Variants in ATP8A2 observed in about 807,000 individuals in gnomAD.
The protein encoded by ATP8A2 is phospholipid-transporting ATPase IB.
Under a neutral mutation model 165.6 loss-of-function variants are expected in ATP8A2, and 100 were observed. That is an observed-to-expected ratio of 0.60 (90% CI 0.51 to 0.71). The LOEUF (loss-of-function observed/expected upper bound fraction) is 0.71, where lower values mean the gene tolerates loss of function less well. ATP8A2 is among the 30% of genes least tolerant of loss of function. The pLI, the probability that ATP8A2 is intolerant of heterozygous loss-of-function variation, is 0.00. For missense variants in ATP8A2, 1,227 were observed against 1,479.5 expected (o/e 0.83, Z 2.80); for synonymous variants, 543 against 548.8 (o/e 0.99, Z 0.15).
intron 23 of ATP8A2, among the ~76,000 whole-genome samples, chr13:25,585,078 T>A (rs2039883710): frequency 6.6e-6 from 1 of 152,248 alleles, no homozygotes; most frequent in South Asian, 2.1e-4. Flanking sequence ...CAAATCAAGT[T>A]CCAAGACATG....
At chr13:25,809,004 T>C (rs558948071) in intron 27 of ATP8A2, among the ~76,000 whole-genome samples, 1 of 152,338 alleles carries the variant, frequency 6.6e-6, no homozygotes, top group Admixed American at 6.5e-5. Context: ...GAAGGACACA[T>C]GCACTTTTTG....
chr13:25,383,155 C>T (rs565891898), intron 1 of ATP8A2, among the ~76,000 whole-genome samples: 6 of 152,172 alleles, frequency 3.9e-5, no homozygotes, highest in South Asian at 4.1e-4. Flanking sequence ...AAGAGATTCT[C>T]CTGCCTCAGC....
intron 27 of ATP8A2, among the ~76,000 whole-genome samples, chr13:25,797,346 G>A (rs1295690216): frequency 6.6e-6 from 1 of 151,958 alleles, no homozygotes; most frequent in Non-Finnish European, 1.5e-5. Flanking sequence ...TGAGGTGATG[G>A]ATACGCTATT....
chr13:25,976,825 A>G (rs923733167), intron 35 of ATP8A2, among the ~76,000 whole-genome samples: 3 of 152,026 alleles, frequency 2.0e-5, no homozygotes, highest in East Asian at 1.9e-4. Flanking sequence ...ATCTTGCTCT[A>G]TCGCCCAGGC....
intron 25 of ATP8A2, among the ~76,000 whole-genome samples, chr13:25,713,688 A>T (rs1475183): frequency 2.0e-5 from 3 of 152,068 alleles, no homozygotes; most frequent in African/African-American, 7.3e-5. Context: ...CGTGTTCTTG[A>T]GATGACTTTG....
chr13:25,976,371 CG>C (rs1566319288), intron 35 of ATP8A2, among the ~76,000 whole-genome samples: 1 of 152,158 alleles, frequency 6.6e-6, no homozygotes, highest in Non-Finnish European at 1.5e-5. Context: ...GATGGAGTCA[CG>C]TCTGCTCAGT....
chr13:25,589,107 TAA>T (rs888048892), intron 23 of ATP8A2, among the ~76,000 whole-genome samples: 1 of 148,346 alleles, frequency 6.7e-6, no homozygotes, highest in East Asian at 1.9e-4. Context: ...AATAAGCCTT[TAA>T]AAAAAAAAGC....
intron 35 of ATP8A2, among the ~76,000 whole-genome samples, chr13:26,004,349 G>C (rs1471514182): frequency 6.6e-6 from 1 of 151,918 alleles, no homozygotes; most frequent in African/African-American, 2.4e-5. Context: ...ACTCATTTCT[G>C]TATGTTGATC....
chr13:25,831,675 C>G (rs1390338604), intron 28 of ATP8A2, among the ~76,000 whole-genome samples: 1 of 151,836 alleles, frequency 6.6e-6, no homozygotes, highest in Non-Finnish European at 1.5e-5. Flanking sequence ...AAACCTCATC[C>G]CTACTAAAAG....
chr13:25,993,723 C>A (rs777104316), intron 35 of ATP8A2, among the ~76,000 whole-genome samples: 3 of 152,062 alleles, frequency 2.0e-5, no homozygotes, highest in South Asian at 2.1e-4. Context: ...TTATGAATGC[C>A]ACACTGTCTT....
At chr13:25,446,937 C>T (rs557909216) in intron 1 of ATP8A2, among the ~76,000 whole-genome samples, 25 of 152,218 alleles carry the variant, frequency 1.6e-4, no homozygotes, top group African/African-American at 3.6e-4. Context: ...CTCACTGCAC[C>T]GTTGACCTCC....
intron 27 of ATP8A2, among the ~76,000 whole-genome samples, chr13:25,795,468 T>A (rs1389808293): frequency 6.6e-6 from 1 of 152,230 alleles, no homozygotes; most frequent in East Asian, 1.9e-4. Context: ...GATGACAGAT[T>A]GTCAGCACAT....
chr13:25,512,515 C>T (rs1566202888), intron 2 of ATP8A2, among the ~76,000 whole-genome samples: 1 of 147,030 alleles, frequency 6.8e-6, no homozygotes, highest in Admixed American at 6.7e-5. Flanking sequence ...GGGGGCTGAC[C>T]TCCCCACCTC....
intron 21 of ATP8A2, 23 bp from the exon 22 acceptor site, chr13:25,579,785 A>C: frequency 3.1e-6 from 5 of 1,610,934 alleles, no homozygotes; most frequent in Non-Finnish European, 4.2e-6. Flanking sequence ...GCCTGCCTCC[A>C]TTCACCAGTG....
chr13:25,409,826 T>A (rs561348343), intron 1 of ATP8A2, among the ~76,000 whole-genome samples: 3 of 152,058 alleles, frequency 2.0e-5, no homozygotes, highest in Admixed American at 6.5e-5. Flanking sequence ...ATAGTCTGAC[T>A]CCCATCAGCC....
At chr13:25,859,063 C>T (rs1952258064) in intron 30 of ATP8A2, among the ~76,000 whole-genome samples, 1 of 152,018 alleles carries the variant, frequency 6.6e-6, no homozygotes, top group Non-Finnish European at 1.5e-5. Flanking sequence ...ATTAGCCAGG[C>T]ATGGTGGCGG....
intron 6 of ATP8A2, chr13:25,534,141 G>A (rs199888680): frequency 1.9e-5 from 10 of 528,192 alleles, no homozygotes; most frequent in Admixed American, 1.4e-4. Flanking sequence ...GGTAACTGCA[G>A]CATTTGCTTT....
At chr13:25,797,203 G>T (rs1016091127) in intron 27 of ATP8A2, among the ~76,000 whole-genome samples, 1 of 152,172 alleles carries the variant, frequency 6.6e-6, no homozygotes, top group Non-Finnish European at 1.5e-5. Context: ...AGGAGACAGA[G>T]GTTGCAGTGA....
chr13:25,585,146 T>C (rs1235763070), intron 23 of ATP8A2, among the ~76,000 whole-genome samples: 2 of 152,164 alleles, frequency 1.3e-5, no homozygotes, highest in Admixed American at 6.5e-5. Flanking sequence ...TGTGTATAGG[T>C]TTTAGTAGTT....
Sources: allele counts gnomAD v4.1 joint callset (sites outside exome capture counted in the v4.1 genomes callset), GRCh38; gene constraint gnomAD v4.1.1; transcripts MANE v1.5; gene names NCBI Gene and HGNC (gene_info 2026-07-23, HGNC 2026-07-21).